Variants in MACROD2 observed in about 807,000 individuals in gnomAD.
MACROD2 encodes the protein mono-ADP ribosylhydrolase 2, also known as ADP-ribose glycohydrolase MACROD2.
MACROD2 carries 36 observed loss-of-function variants against 70.4 expected under a neutral mutation model. The observed-to-expected ratio is 0.51, with a 90% CI of 0.39 to 0.68. The LOEUF is 0.68. Among genes scored for constraint, MACROD2 ranks in the 30% least tolerant of loss-of-function variants. The pLI is 0.00. For synonymous variants in MACROD2, 172 were observed against 178.8 expected (o/e 0.96, Z 0.30); for missense variants, 496 against 538.4 (o/e 0.92, Z 0.78).
At chr20:15,659,304 C>CTTTTTT (rs11468344) in intron 8 of MACROD2, among the ~76,000 whole-genome samples, 3 of 67,266 alleles carry the variant, frequency 4.5e-5, no homozygotes, top group Admixed American at 2.5e-4. Flanking sequence ...GATAGCACAG[C>CTTTTTT]TTTTTTTTTT....
At chr20:14,934,491 G>A (rs938105237) in intron 5 of MACROD2, among the ~76,000 whole-genome samples, 13 of 152,134 alleles carry the variant, frequency 8.5e-5, no homozygotes, top group African/African-American at 3.1e-4. Context: ...AAAAAAATCA[G>A]AAAAGGTTTA....
At chr20:15,920,275 C>T (rs1413514313) in intron 10 of MACROD2, among the ~76,000 whole-genome samples, 1 of 151,984 alleles carries the variant, frequency 6.6e-6, no homozygotes, top group Non-Finnish European at 1.5e-5. Context: ...TCCCGAGGGC[C>T]CACAATAGGC....
At chr20:15,541,100 A>C (rs899747361) in intron 8 of MACROD2, among the ~76,000 whole-genome samples, 5 of 152,222 alleles carry the variant, frequency 3.3e-5, no homozygotes, top group African/African-American at 1.2e-4. Flanking sequence ...GAAACAGAGA[A>C]TACACAAAGA....
intron 8 of MACROD2, among the ~76,000 whole-genome samples, chr20:15,551,454 C>G (rs746129542): frequency 2.6e-5 from 4 of 151,398 alleles, no homozygotes; most frequent in Non-Finnish European, 5.9e-5. Context: ...AGTGGACTTT[C>G]AGAAGGGACC....
At chr20:15,734,882 A>AG (rs2146955956) in intron 8 of MACROD2, among the ~76,000 whole-genome samples, 1 of 152,292 alleles carries the variant, frequency 6.6e-6, no homozygotes, top group South Asian at 2.1e-4. Context: ...TTCTGGGAAA[A>AG]TATACCAATA....
intron 12 of MACROD2, among the ~76,000 whole-genome samples, chr20:15,948,382 C>CAAAAAAAAAAAAA (rs71192307): frequency 3.9e-4 from 17 of 43,144 alleles, no homozygotes; most frequent in Non-Finnish European, 5.6e-4. Flanking sequence ...CTTGCAACTG[C>CAAAAAAAAAAAAA]AAAAAAAAAA....
intron 5 of MACROD2, among the ~76,000 whole-genome samples, chr20:15,052,564 C>T (rs753430842): frequency 6.6e-6 from 1 of 152,118 alleles, no homozygotes; most frequent in Non-Finnish European, 1.5e-5. Context: ...AAACTGTGCT[C>T]ATAAAAGGTC....
intron 3 of MACROD2, among the ~76,000 whole-genome samples, chr20:14,484,810 C>T (rs977643885): frequency 5.3e-5 from 8 of 152,178 alleles, no homozygotes; most frequent in African/African-American, 1.9e-4. Context: ...CATTGTGTAG[C>T]TGTACCATGT....
At position 14,029,259 on chromosome 20, in the gene MACROD2, T is replaced by G. The variant is rs2053218691; in HGVS notation, c.163+26855T>G. ...TAGCAACTATAAATGTCTTTAATTG[T>G]AAGCCATCTGCCAATTTCAGAGAAG... is the stretch of plus-strand genomic sequence containing the variant. On this transcript the variant is annotated intron_variant, in intron 2 of 17. Coordinates refer to ENST00000684519, the MANE Select transcript of MACROD2 (RefSeq NM_001351661.2). 3.9e-5 allele frequency among the ~76,000 whole-genome samples: 6 copies of G among 152,326 alleles called. No homozygotes were observed. The South Asian group carries it at 1.2e-3, about 32-fold the overall frequency.
rs116462720 is a variant in MACROD2, at chr20:14,350,519, C to T, written c.272-142960C>T. ...TTCCCTGATGATTAGTGGTGTCAATCACTTTTTCCTATGCCTGTTTGCTAT... is the reference window on the plus strand; with the variant it reads ...TTCCCTGATGATTAGTGGTGTCAATTACTTTTTCCTATGCCTGTTTGCTAT... On this transcript the variant is annotated intron_variant, in intron 3 of 17. Coordinates refer to ENST00000684519, the MANE Select transcript of MACROD2 (RefSeq NM_001351661.2). Among the ~76,000 whole-genome samples the T allele has an allele frequency of 8.6e-3, 1,302 of 152,228 alleles. 18 individuals are homozygous for T. Among genetic ancestry groups the T allele is most frequent in the Middle Eastern group, 0.041 (12 of 294 alleles).
intron 3 of MACROD2, among the ~76,000 whole-genome samples, chr20:14,452,235 C>T (rs1040974334): frequency 6.6e-6 from 1 of 151,974 alleles, no homozygotes; most frequent in African/African-American, 2.4e-5. Context: ...ATTCTAATTG[C>T]ACATGGCTAA....
Position 15,844,311 on chromosome 20 carries a change from GT to G in MACROD2, c.646-18433del, listed in dbSNP as rs533863938. Among the ~76,000 whole-genome samples the G allele has an allele frequency of 4.6e-3, 701 of 152,134 alleles. 3 individuals carry two copies. Among genetic ancestry groups the G allele is most frequent in the Non-Finnish European group, 7.0e-3 (473 of 67,990 alleles). ...TGCAGTCAGGAAGCTTATAATCCAG[GT>G]GGGAAATGACGAACACATAAAATGT... On this transcript the variant is annotated intron_variant, in intron 8 of 17. Transcript: ENST00000684519.
intron 3 of MACROD2, among the ~76,000 whole-genome samples, chr20:14,228,338 C>CTTTT (rs11467676): frequency 7.0e-6 from 1 of 143,606 alleles, no homozygotes; most frequent in African/African-American, 2.6e-5. Flanking sequence ...AAATATTTTT[C>CTTTT]TTTTTTTTTT....
chr20:15,732,059 T>G (rs2050951929), intron 8 of MACROD2, among the ~76,000 whole-genome samples: 1 of 148,488 alleles, frequency 6.7e-6, no homozygotes, highest in African/African-American at 2.5e-5. Context: ...CCTGGCCAAG[T>G]TTGCAGCATT....
chr20:14,743,128 T>C (rs1393989864), intron 5 of MACROD2, among the ~76,000 whole-genome samples: 1 of 137,742 alleles, frequency 7.3e-6, no homozygotes, highest in Non-Finnish European at 1.7e-5. Context: ...CTCAAATGTA[T>C]TTTTTTAAAA....
chr20:15,693,111 C>T (rs1176830519), intron 8 of MACROD2, among the ~76,000 whole-genome samples: 1 of 152,110 alleles, frequency 6.6e-6, no homozygotes, highest in Non-Finnish European at 1.5e-5. Flanking sequence ...AAATGTGAGT[C>T]CATTAAAACT....
intron 8 of MACROD2, among the ~76,000 whole-genome samples, chr20:15,693,213 A>T (rs956531397): frequency 6.6e-5 from 10 of 152,174 alleles, no homozygotes; most frequent in East Asian, 3.8e-4. Context: ...TCTTTGATTC[A>T]AACTGACAAT....
intron 3 of MACROD2, among the ~76,000 whole-genome samples, chr20:14,197,834 T>C (rs766933640): frequency 6.6e-6 from 1 of 152,188 alleles, no homozygotes; most frequent in Non-Finnish European, 1.5e-5. Context: ...TGTTTAAAGC[T>C]AAACAACCTT....
chr20:14,782,173 T>C (rs2072310428), intron 5 of MACROD2, among the ~76,000 whole-genome samples: 1 of 151,900 alleles, frequency 6.6e-6, no homozygotes. Context: ...ATCTGCCTGA[T>C]TTGGCCTCCC....
Sources: gnomAD v4.1 joint callset for allele counts (sites outside exome capture counted in the v4.1 genomes callset) on GRCh38, gnomAD v4.1.1 for gene constraint, MANE v1.5 for transcripts, NCBI Gene and HGNC (gene_info 2026-07-23, HGNC 2026-07-21) for gene names.